The following TMEM67 variants were observed in gnomAD, a reference collection of about 807,000 sequenced individuals.
TMEM67 encodes the protein meckelin.
Under a neutral mutation model 136.6 loss-of-function variants are expected in TMEM67, and 124 were observed. The ratio of observed to expected loss-of-function variants is 0.91; its 90% CI spans 0.78 to 1.05. The LOEUF (loss-of-function observed/expected upper bound fraction) is 1.05, where lower values mean the gene tolerates loss of function less well. Ranked by LOEUF, TMEM67 falls within the 50% of genes least tolerant of loss-of-function variation. TMEM67 has a pLI of 0.00. For synonymous variants in TMEM67, 364 were observed against 390.5 expected (o/e 0.93, Z 0.80); for missense variants, 1,107 against 1,178.4 (o/e 0.94, Z 0.89).
At chr8:93,772,869 C>T (rs553353791) in intron 7 of TMEM67, among the ~76,000 whole-genome samples, 3 of 152,074 alleles carry the variant, frequency 2.0e-5, no homozygotes, top group Non-Finnish European at 2.9e-5. Context: ...TTAGCTGAAA[C>T]GGAGTGTTAG....
chr8:93,809,977 T>C (rs1434803924), intron 26 of TMEM67, 90 bp downstream of exon 26: 5 of 823,854 alleles, frequency 6.1e-6, no homozygotes, highest in Non-Finnish European at 9.7e-6. Flanking sequence ...TTTTCTTTTT[T>C]TTTTTTTTTT....
downstream of TMEM67, among the ~76,000 whole-genome samples, chr8:93,822,635 C>T (rs1250566323): frequency 1.3e-5 from 2 of 152,122 alleles, no homozygotes; most frequent in African/African-American, 2.4e-5. Flanking sequence ...ACTCTTTGTC[C>T]CCCTCCTAAC....
At chr8:93,797,700 G>A (rs1385301800) in intron 20 of TMEM67, among the ~76,000 whole-genome samples, 1 of 152,118 alleles carries the variant, frequency 6.6e-6, no homozygotes, top group Middle Eastern at 3.2e-3. Context: ...GTGTTAAGTT[G>A]GCCAGGCACA....
At position 93,787,769 on chromosome 8, in the gene TMEM67, A is replaced by G. The variant is rs1399627940; in HGVS notation, c.1413-75A>G. On this transcript the variant is annotated intron_variant, in intron 13 of 27. Transcript: ENST00000453321. The stretch of plus-strand genomic sequence containing the variant: ...ATCAGACAATTCATATTAAATTCAA[A>G]AGAAATGGTAAGTTAAATGTATGTT... The G allele has an allele frequency of 5.2e-6, 6 of 1,162,510 alleles. No homozygotes were observed. In the African/African-American group the frequency reaches 9.2e-5, roughly 18 times the overall value. 72.0% of individuals were successfully genotyped at this position (1,162,510 alleles called of 1,614,324 possible). A position where few individuals can be genotyped will look rare whatever the true frequency, so the allele number is the denominator to read the frequency against.
At chr8:93,774,684 G>T (rs1813464010) in intron 7 of TMEM67, among the ~76,000 whole-genome samples, 1 of 152,188 alleles carries the variant, frequency 6.6e-6, no homozygotes, top group Admixed American at 6.5e-5. Context: ...CAAAGGACAT[G>T]AACTCATCCT....
the TMEM67 span, among the ~76,000 whole-genome samples, chr8:93,830,838 G>T: frequency 1.8e-4 from 28 of 152,314 alleles, no homozygotes; most frequent in East Asian, 3.9e-4. Context: ...AGGAATTCTT[G>T]TTATAATCAT....
At chr8:93,828,022 A>G in the TMEM67 span, among the ~76,000 whole-genome samples, 1 of 152,172 alleles carries the variant, frequency 6.6e-6, no homozygotes, top group African/African-American at 2.4e-5. Context: ...CACAGCAGGC[A>G]GGTAGAGAAG....
chr8:93,768,338 G>A (rs986105227), intron 6 of TMEM67, among the ~76,000 whole-genome samples: 1 of 152,030 alleles, frequency 6.6e-6, no homozygotes, highest in Non-Finnish European at 1.5e-5. Context: ...AGGGCTGGGC[G>A]TGGTGGCTCA....
At chr8:93,781,861 T>G in intron 10 of TMEM67, 117 bp downstream of exon 10, 3 of 544,698 alleles carry the variant, frequency 5.5e-6, no homozygotes, top group Non-Finnish European at 6.4e-6. Flanking sequence ...AGTTGATTTT[T>G]TTTCTGATGC....
rs587779735 is a variant in TMEM67, at chr8:93,755,751, CTTTTTTTTT to C, written c.224-11_224-3del. ...TTTTATTTATCAAGGATAAAATTGG[CTTTTTTTTT>C]TTTTTTTTTTTTTTTAGGAACTTCA... On this transcript the variant is annotated intron_variant, in intron 1 of 27. Transcript: ENST00000453321. The C allele has an allele frequency of 2.7e-5, 17 of 633,116 alleles. No individual in the cohort carries two copies. In the African/African-American group the frequency reaches 3.3e-4, roughly 12 times the overall value. The allele number at this position is 633,116 out of a possible 1,614,324, so 39.2% of individuals were successfully genotyped here. A position where few individuals can be genotyped will look rare whatever the true frequency, so the allele number is the denominator to read the frequency against.
intron 3 of TMEM67, among the ~76,000 whole-genome samples, chr8:93,760,536 AG>A (rs1045590586): frequency 2.0e-5 from 3 of 152,172 alleles, no homozygotes; most frequent in East Asian, 1.9e-4. Flanking sequence ...AAGAAAATGC[AG>A]GAAAAATTTG....
intron 3 of TMEM67, chr8:93,760,003 A>G: frequency 6.7e-7 from 1 of 1,490,834 alleles, no homozygotes; most frequent in Non-Finnish European, 9.0e-7. Flanking sequence ...TGTGAGTATT[A>G]CTGAGGGATA....
chr8:93,827,988 T>G, the TMEM67 span, among the ~76,000 whole-genome samples: 1 of 152,162 alleles, frequency 6.6e-6, no homozygotes, highest in Admixed American at 6.5e-5. Flanking sequence ...TCATGATGCC[T>G]GGAGATGCAG....
At chr8:93,755,460 T>C (rs1256356526) in intron 1 of TMEM67, among the ~76,000 whole-genome samples, 6 of 152,232 alleles carry the variant, frequency 3.9e-5, no homozygotes, top group Non-Finnish European at 7.3e-5. Context: ...CCTCTACGTA[T>C]AATAACTAAT....
chr8:93,812,353 C>T (rs1181929481), intron 26 of TMEM67, among the ~76,000 whole-genome samples: 1 of 152,104 alleles, frequency 6.6e-6, no homozygotes, highest in African/African-American at 2.4e-5. Flanking sequence ...CATAGTGGCT[C>T]ACATCTGTAA....
intron 23 of TMEM67, among the ~76,000 whole-genome samples, 164 bp from the exon 24 acceptor site, chr8:93,808,676 G>A (rs773112393): frequency 1.3e-5 from 2 of 150,562 alleles, no homozygotes; most frequent in Non-Finnish European, 1.5e-5. Flanking sequence ...TGGGAACCTT[G>A]GATAATGGTA....
intron 22 of TMEM67, 101 bp from the exon 23 acceptor site, chr8:93,804,661 T>G: frequency 1.5e-6 from 1 of 679,592 alleles, no homozygotes; most frequent in Non-Finnish European, 2.6e-6. Context: ...GAATACAATC[T>G]TCATTATTTT....
chr8:93,770,994 A>T (rs1813304865), intron 6 of TMEM67, among the ~76,000 whole-genome samples: 1 of 151,798 alleles, frequency 6.6e-6, no homozygotes, highest in Admixed American at 6.6e-5. Flanking sequence ...CATCCTGGGC[A>T]ACAAGCGAAA....
intron 14 of TMEM67, among the ~76,000 whole-genome samples, chr8:93,790,099 C>A (rs1336480166): frequency 6.6e-6 from 1 of 151,886 alleles, no homozygotes. Flanking sequence ...CATGAAACTA[C>A]ATTGATGAAG....
Sources: gnomAD v4.1 joint callset for allele counts (sites outside exome capture counted in the v4.1 genomes callset) on GRCh38, gnomAD v4.1.1 for gene constraint, MANE v1.5 for transcripts, NCBI Gene and HGNC (gene_info 2026-07-23, HGNC 2026-07-21) for gene names.